The following TMEM135 variants were observed in gnomAD, a reference collection of about 807,000 sequenced individuals.
TMEM135 encodes transmembrane protein 135.
Under a neutral mutation model 60.3 loss-of-function variants are expected in TMEM135, and 30 were observed. That is an observed-to-expected ratio of 0.50 (90% CI 0.37 to 0.68). TMEM135 has a LOEUF of 0.68. TMEM135 is among the 30% of genes least tolerant of loss of function. The probability of loss-of-function intolerance (pLI) is 0.00; values close to 1 mark genes in which losing one functional copy is unlikely to be tolerated. For missense variants in TMEM135, 468 were observed against 548.8 expected (o/e 0.85, Z 1.47); for synonymous variants, 190 against 186.7 (o/e 1.02, Z -0.14).
At chr11:87,241,999 C>A (rs1409879345) in intron 6 of TMEM135, among the ~76,000 whole-genome samples, 2 of 151,566 alleles carry the variant, frequency 1.3e-5, no homozygotes, top group African/African-American at 4.9e-5. Flanking sequence ...ATGCTCTCTC[C>A]CTGCCCCCCA....
chr11:87,074,616 C>T (rs76265017), intron 3 of TMEM135, among the ~76,000 whole-genome samples: 3,076 of 152,236 alleles, frequency 0.02, 35 homozygotes, highest in Non-Finnish European at 0.028. Context: ...CAACTAGAGT[C>T]AATGGTTATT....
intron 6 of TMEM135, among the ~76,000 whole-genome samples, chr11:87,246,064 C>T (rs1409714090): frequency 2.8e-5 from 4 of 145,426 alleles, no homozygotes; most frequent in Admixed American, 6.9e-5. Context: ...CAAAATCTCT[C>T]GGCATTTGCT....
intron 4 of TMEM135, among the ~76,000 whole-genome samples, chr11:87,119,631 G>A (rs1167192011): frequency 2.6e-5 from 4 of 152,230 alleles, no homozygotes; most frequent in East Asian, 1.9e-4. Context: ...AACCTGGGAG[G>A]TGGAGGTTGC....
chr11:87,308,035 G>T (rs1348240854), intron 9 of TMEM135, among the ~76,000 whole-genome samples: 1 of 152,046 alleles, frequency 6.6e-6, no homozygotes, highest in East Asian at 1.9e-4. Context: ...AGATTGCCCT[G>T]TTAATGTCTA....
chr11:87,249,384 A>G (rs1591138635), intron 6 of TMEM135, among the ~76,000 whole-genome samples: 1 of 152,050 alleles, frequency 6.6e-6, no homozygotes. Context: ...TATATGATGT[A>G]TCACATTGAT....
intron 8 of TMEM135, 46 bp from the exon 9 acceptor site, chr11:87,305,890 C>A (rs1252803319): frequency 2.8e-6 from 4 of 1,452,752 alleles, no homozygotes; most frequent in Non-Finnish European, 2.9e-6. Flanking sequence ...CATGGATATA[C>A]ACACTTTAAT....
chr11:87,314,366 C>G lies in TMEM135; in HGVS notation c.1001-105C>G, dbSNP rs568614535. ...ATTACTGTCCTTGATTGTGTTGTAA[C>G]AAGAGATAGTGCTGATTCTATGTAA... On this transcript the variant is annotated intron_variant, in intron 11 of 14. Transcript: ENST00000305494. 7 of 925,362 alleles carry G rather than the reference C, an allele frequency of 7.6e-6. No homozygotes were observed. The Admixed American group carries it at 1.0e-4, about 13-fold the overall frequency. The allele number at this position is 925,362 out of a possible 1,614,324, so 57.3% of individuals were successfully genotyped here. A position where few individuals can be genotyped will look rare whatever the true frequency, so the allele number is the denominator to read the frequency against.
chr11:87,169,356 G>C (rs1939164458), intron 5 of TMEM135, among the ~76,000 whole-genome samples: 1 of 150,632 alleles, frequency 6.6e-6, no homozygotes, highest in Non-Finnish European at 1.5e-5. Flanking sequence ...GATGCTAGCT[G>C]GTTATTTTGC....
chr11:87,102,241 G>C (rs533672820), intron 4 of TMEM135, among the ~76,000 whole-genome samples: 5 of 152,282 alleles, frequency 3.3e-5, no homozygotes, highest in African/African-American at 7.2e-5. Context: ...CAACTGATCA[G>C]CTATAAATTG....
intron 4 of TMEM135, among the ~76,000 whole-genome samples, chr11:87,145,600 A>G (rs1759523342): frequency 6.6e-6 from 1 of 151,298 alleles, no homozygotes; most frequent in Non-Finnish European, 1.5e-5. Flanking sequence ...CTTATCTTTC[A>G]TCTTTTTGAT....
chr11:87,193,887 ATTTAT>A (rs1939874136), intron 5 of TMEM135, among the ~76,000 whole-genome samples: 1 of 151,744 alleles, frequency 6.6e-6, no homozygotes. Context: ...TACACAATAC[ATTTAT>A]TTAATTTGTG....
intron 5 of TMEM135, among the ~76,000 whole-genome samples, chr11:87,180,507 G>C (rs776533053): frequency 1.3e-5 from 2 of 152,046 alleles, no homozygotes; most frequent in African/African-American, 2.4e-5. Context: ...AGAGGCAGTA[G>C]GTAGAGAAAA....
At chr11:87,191,166 C>T (rs939443560) in intron 5 of TMEM135, among the ~76,000 whole-genome samples, 1 of 152,032 alleles carries the variant, frequency 6.6e-6, no homozygotes, top group Non-Finnish European at 1.5e-5. Flanking sequence ...AGTGAGTGTC[C>T]TAAGATAGGG....
intron 5 of TMEM135, among the ~76,000 whole-genome samples, chr11:87,167,926 A>G (rs1939107759): frequency 6.6e-6 from 1 of 152,138 alleles, no homozygotes; most frequent in Non-Finnish European, 1.5e-5. Flanking sequence ...TCAGGTGTGA[A>G]TCTGTCAGGT....
intron 4 of TMEM135, among the ~76,000 whole-genome samples, chr11:87,146,581 C>T (rs542879676): frequency 2.7e-4 from 41 of 152,206 alleles, no homozygotes; most frequent in African/African-American, 7.5e-4. Context: ...CTATGATTAG[C>T]GTTCCTTTGT....
chr11:87,160,622 AATT>A (rs1938845398), intron 5 of TMEM135, among the ~76,000 whole-genome samples: 2 of 152,358 alleles, frequency 1.3e-5, no homozygotes, highest in African/African-American at 4.8e-5. Context: ...AGCTGTAGGT[AATT>A]ATTATTAGTT....
At chr11:87,266,697 G>A (rs1941754795) in intron 6 of TMEM135, among the ~76,000 whole-genome samples, 1 of 152,156 alleles carries the variant, frequency 6.6e-6, no homozygotes, top group Admixed American at 6.6e-5. Flanking sequence ...CCATTAGAAG[G>A]TCATATCTGT....
chr11:87,323,939 A>G lies in TMEM135; in HGVS notation c.*2606A>G, dbSNP rs1942871821. ...CATAGTCATCACTCAGTTGATATCTAGTTTATTTTTTGCCTTCATTCGTTG... is the reference window on the plus strand; with the variant it reads ...CATAGTCATCACTCAGTTGATATCTGGTTTATTTTTTGCCTTCATTCGTTG... On this transcript the variant is annotated 3_prime_UTR_variant, in exon 15 of 15. Transcript: ENST00000305494. 1 of 453,712 alleles carries G rather than the reference A, an allele frequency of 2.2e-6. No individual in the cohort carries two copies. The highest frequency in any genetic ancestry group is 4.4e-6 in the Non-Finnish European group (1 of 226,742). The allele number at this position is 453,712 out of a possible 1,614,324, so 28.1% of individuals were successfully genotyped here.
At position 87,252,685 on chromosome 11, in the gene TMEM135, C is replaced by T. The variant is rs149268891; in HGVS notation, c.509+16001C>T. On this transcript the variant is annotated intron_variant, in intron 6 of 14. Transcript: ENST00000305494. ...ACTTGGGTGGCTGAGGCAGGAGAAT[C>T]GCCTGGACCTGGGAGGTGGAGGCTG... Among the ~76,000 whole-genome samples the T allele has an allele frequency of 2.7e-3, 407 of 151,554 alleles. 1 individual carries two copies. The highest frequency in any genetic ancestry group is 0.019 in the Admixed American group (287 of 15,212).
Sources: allele counts gnomAD v4.1 joint callset (sites outside exome capture counted in the v4.1 genomes callset), GRCh38; gene constraint gnomAD v4.1.1; transcripts MANE v1.5; gene names NCBI Gene and HGNC (gene_info 2026-07-23, HGNC 2026-07-21).